Variants in C1GALT1 observed in about 807,000 individuals in gnomAD.
The protein encoded by C1GALT1 is glycoprotein-N-acetylgalactosamine 3-beta-galactosyltransferase 1.
C1GALT1 carries 11 observed loss-of-function variants against 31.0 expected under a neutral mutation model. The observed-to-expected ratio is 0.36, with a 90% CI of 0.22 to 0.59. C1GALT1 has a LOEUF of 0.59. C1GALT1 is among the 20% of genes least tolerant of loss of function. C1GALT1 has a pLI of 0.79. For synonymous variants in C1GALT1, 175 were observed against 143.6 expected (o/e 1.22, Z -1.56); for missense variants, 424 against 425.2 (o/e 1.00, Z 0.03).
intron 1 of C1GALT1, among the ~76,000 whole-genome samples, chr7:7,202,364 G>C (rs1781562281): frequency 6.6e-6 from 1 of 152,174 alleles, no homozygotes; most frequent in Non-Finnish European, 1.5e-5. Context: ...TATGCGCCCT[G>C]TCTGCCATTA....
intron 1 of C1GALT1, among the ~76,000 whole-genome samples, chr7:7,213,001 T>G (rs1782076130): frequency 6.6e-6 from 1 of 152,200 alleles, no homozygotes; most frequent in African/African-American, 2.4e-5. Flanking sequence ...AGAATAAGTT[T>G]CCTTGACTCT....
chr7:7,223,708 G>A (rs1695222851), intron 1 of C1GALT1, among the ~76,000 whole-genome samples: 2 of 152,094 alleles, frequency 1.3e-5, no homozygotes, highest in African/African-American at 2.4e-5. Flanking sequence ...TGCAAATAGG[G>A]ATGGTTTCAT....
chr7:7,167,258 G>A (rs144322806), intron 2 of C1GALT1, among the ~76,000 whole-genome samples: 1 of 152,300 alleles, frequency 6.6e-6, no homozygotes, highest in East Asian at 1.9e-4. Flanking sequence ...AACAGGTCCT[G>A]TTTCTCAGGA....
At chr7:7,196,045 T>A (rs1229167186) in intron 1 of C1GALT1, among the ~76,000 whole-genome samples, 1 of 152,048 alleles carries the variant, frequency 6.6e-6, no homozygotes, top group African/African-American at 2.4e-5. Flanking sequence ...GTTGTTGTTG[T>A]TGTTGTTTTT....
intron 1 of C1GALT1, among the ~76,000 whole-genome samples, chr7:7,186,674 G>A (rs375003121): frequency 2.1e-4 from 32 of 152,374 alleles, no homozygotes; most frequent in African/African-American, 7.7e-4. Context: ...GTAAAGACCT[G>A]AAGGAGTTGG....
intron 3 of C1GALT1, among the ~76,000 whole-genome samples, chr7:7,239,727 A>G (rs922540682): frequency 6.7e-6 from 1 of 149,096 alleles, no homozygotes; most frequent in Non-Finnish European, 1.5e-5. Context: ...TTCAGAATAT[A>G]CATTGTACTT....
intron 2 of C1GALT1, among the ~76,000 whole-genome samples, chr7:7,236,479 T>C (rs1167138486): frequency 6.6e-6 from 1 of 152,168 alleles, no homozygotes; most frequent in East Asian, 1.9e-4. Flanking sequence ...GCTGTTGTCC[T>C]TTTGGATTGT....
intron 1 of C1GALT1, among the ~76,000 whole-genome samples, chr7:7,213,281 A>C (rs1782090522): frequency 6.6e-6 from 1 of 152,194 alleles, no homozygotes; most frequent in Admixed American, 6.5e-5. Context: ...CAAATGACAA[A>C]ATTTTCAGGA....
At position 7,197,883 on chromosome 7, in the gene C1GALT1, G is replaced by C. The variant is rs189206543; in HGVS notation, c.-18+15063G>C. Among the ~76,000 whole-genome samples the C allele has an allele frequency of 7.4e-3, 1,125 of 152,302 alleles. 6 individuals carry two copies. Among genetic ancestry groups the C allele is most frequent in the Middle Eastern group, 0.024 (7 of 292 alleles). The stretch of plus-strand genomic sequence containing the variant: ...GGAATGCTTGTGATTTTTGCACATT[G>C]ATTTTGTATCCTGAGACTTTGCTGA... On this transcript the variant is annotated intron_variant, in intron 1 of 3. Coordinates refer to ENST00000436587, the MANE Select transcript of C1GALT1 (RefSeq NM_020156.5).
Position 7,183,630 on chromosome 7 carries a change from A to G in C1GALT1, c.-18+810A>G, listed in dbSNP as rs939740734. On this transcript the variant is annotated intron_variant, in intron 1 of 3. Transcript: ENST00000436587. ...CACTCTTAAAAGATGACCATAATTT[A>G]GCGCTGTGGATTTATTCTTTCCTGG... 6.3e-5 allele frequency: 62 copies of G among 980,826 alleles called. No homozygotes were observed. The African/African-American group carries it at 9.5e-4, about 15-fold the overall frequency. 60.8% of individuals were successfully genotyped at this position (980,826 alleles called of 1,614,324 possible). A position where few individuals can be genotyped will look rare whatever the true frequency, so the allele number is the denominator to read the frequency against.
intron 1 of C1GALT1, among the ~76,000 whole-genome samples, chr7:7,221,817 C>T (rs972809240): frequency 2.0e-5 from 3 of 152,202 alleles, no homozygotes; most frequent in African/African-American, 7.2e-5. Flanking sequence ...ACATCTAGCT[C>T]CTAAGGCTTG....
chr7:7,236,862 C>A (rs139439536), intron 2 of C1GALT1, among the ~76,000 whole-genome samples: 112 of 152,232 alleles, frequency 7.4e-4, no homozygotes, highest in African/African-American at 2.7e-3. Context: ...CCAGCTTTTC[C>A]CATTATTCCC....
intron 1 of C1GALT1, among the ~76,000 whole-genome samples, chr7:7,189,875 G>C (rs918738605): frequency 6.6e-6 from 1 of 151,328 alleles, no homozygotes; most frequent in Admixed American, 6.6e-5. Flanking sequence ...GATCCAGCTG[G>C]TTTTGTTTTT....
intron 1 of C1GALT1, among the ~76,000 whole-genome samples, chr7:7,214,002 G>A (rs7812145): frequency 6.6e-6 from 1 of 152,122 alleles, no homozygotes; most frequent in African/African-American, 2.4e-5. Flanking sequence ...ATCTCCCAGT[G>A]GGGGGTAGGG....
At position 7,234,309 on chromosome 7, in the gene C1GALT1, A is replaced by T. The variant is rs919474600; in HGVS notation, c.-11A>T. ...CTAATTTTTGTTCTTACAGAAATAC[A>T]CTTTCGGGAAATGGCCTCTAAATCC... On this transcript the variant is annotated 5_prime_UTR_variant, in exon 2 of 4. Coordinates refer to ENST00000436587, the MANE Select transcript of C1GALT1 (RefSeq NM_020156.5). 2.5e-6 allele frequency: 4 copies of T among 1,610,848 alleles called. No individual in the cohort carries two copies. The highest frequency in any genetic ancestry group is 3.4e-6 in the Non-Finnish European group (4 of 1,177,804).
intron 2 of C1GALT1, among the ~76,000 whole-genome samples, chr7:7,236,034 C>A (rs551357663): frequency 6.6e-6 from 1 of 152,160 alleles, no homozygotes; most frequent in Non-Finnish European, 1.5e-5. Context: ...ATTTTTTAAT[C>A]TTCCTCTTTG....
At chr7:7,201,956 C>G (rs1393413782) in intron 1 of C1GALT1, among the ~76,000 whole-genome samples, 1 of 152,230 alleles carries the variant, frequency 6.6e-6, no homozygotes, top group East Asian at 1.9e-4. Context: ...GCAGCTCTCC[C>G]CAAGGGCCTC....
At chr7:7,232,007 T>G (rs1783096687) in intron 1 of C1GALT1, among the ~76,000 whole-genome samples, 1 of 152,232 alleles carries the variant, frequency 6.6e-6, no homozygotes, top group Non-Finnish European at 1.5e-5. Context: ...TAGGTGTTTT[T>G]CAGGACCTCT....
chr7:7,157,586 G>A (rs983725535), intron 2 of C1GALT1, among the ~76,000 whole-genome samples: 1 of 152,124 alleles, frequency 6.6e-6, no homozygotes, highest in South Asian at 2.1e-4. Context: ...CACTGATTCC[G>A]TGTTGCTCTA....
Sources: allele counts gnomAD v4.1 joint callset (sites outside exome capture counted in the v4.1 genomes callset), GRCh38; gene constraint gnomAD v4.1.1; transcripts MANE v1.5; gene names NCBI Gene and HGNC (gene_info 2026-07-23, HGNC 2026-07-21).